TMCC1: variants seen among roughly 807,000 people sequenced by gnomAD.
The protein encoded by TMCC1 is transmembrane and coiled-coil domains protein 1.
TMCC1 carries 15 observed loss-of-function variants against 52.4 expected under a neutral mutation model. The ratio of observed to expected loss-of-function variants is 0.29; its 90% CI spans 0.19 to 0.44. TMCC1 has a LOEUF of 0.44. Ranked by LOEUF, TMCC1 falls within the 20% of genes least tolerant of loss-of-function variation. The probability of loss-of-function intolerance (pLI) is 1.00; values close to 1 mark genes in which losing one functional copy is unlikely to be tolerated. For synonymous variants in TMCC1, 279 were observed against 301.9 expected, an observed-to-expected ratio of 0.92 and a Z score of 0.79; for missense variants, 503 against 806.0, an observed-to-expected ratio of 0.62 and a Z score of 4.55.
chr3:129,767,602 A>C (rs1355487476), intron 4 of TMCC1, among the ~76,000 whole-genome samples: 1 of 152,168 alleles, frequency 6.6e-6, no homozygotes. Flanking sequence ...TTAATTTTAG[A>C]ATATTTACAT....
chr3:129,733,097 C>T (rs2050673744), intron 4 of TMCC1, among the ~76,000 whole-genome samples: 1 of 152,124 alleles, frequency 6.6e-6, no homozygotes, highest in Admixed American at 6.6e-5. Context: ...TTTTGGAGTC[C>T]TCAAATAGTT....
chr3:129,724,911 T>C (rs946112916), intron 4 of TMCC1, among the ~76,000 whole-genome samples: 4 of 152,182 alleles, frequency 2.6e-5, no homozygotes, highest in Non-Finnish European at 5.9e-5. Flanking sequence ...AGTTCTTCAA[T>C]AGTTCAGTGG....
intron 2 of TMCC1, among the ~76,000 whole-genome samples, chr3:129,869,705 G>C (rs2060825295): frequency 6.6e-6 from 1 of 152,224 alleles, no homozygotes. Context: ...TGATACAAAT[G>C]TATTTGTTGA....
At chr3:129,813,774 C>T (rs1002449907) in intron 4 of TMCC1, among the ~76,000 whole-genome samples, 3 of 151,574 alleles carry the variant, frequency 2.0e-5, no homozygotes, top group African/African-American at 7.3e-5. Context: ...ACAAACCTAC[C>T]CATGCACTCC....
chr3:129,726,428 G>A (rs1012960234), intron 4 of TMCC1, among the ~76,000 whole-genome samples: 5 of 151,966 alleles, frequency 3.3e-5, no homozygotes, highest in African/African-American at 1.2e-4. Flanking sequence ...TCTACAATAC[G>A]GTCTCGCTCT....
intron 2 of TMCC1, among the ~76,000 whole-genome samples, chr3:129,879,063 T>C (rs149216342): frequency 1.7e-3 from 258 of 152,284 alleles, no homozygotes; most frequent in African/African-American, 6.0e-3. Context: ...CCCCTTCCCC[T>C]CAATACATTC....
At position 129,828,677 on chromosome 3, in the gene TMCC1, T is replaced by C. The variant is rs2058764593; in HGVS notation, c.-130-169A>G. Among the ~76,000 whole-genome samples, 1 of 152,104 alleles carries C rather than the reference T, an allele frequency of 6.6e-6. No homozygotes were observed. The highest frequency in any genetic ancestry group is 2.4e-5 in the African/African-American group (1 of 41,404). On this transcript the variant is annotated intron_variant, in intron 3 of 6. Transcript: ENST00000393238. This position sits in a 1 kb window ranked among gnomAD's most constrained non-coding sequence, Gnocchi z 4.1. ...GATTAAAAGACAGTTTTCTAGATAG[T>C]GGGTAATGATTATTTTTTAGAATGA...
chr3:129,745,124 G>A (rs2051813306), intron 4 of TMCC1, among the ~76,000 whole-genome samples: 1 of 152,174 alleles, frequency 6.6e-6, no homozygotes, highest in South Asian at 2.1e-4. Context: ...AATTAAACTA[G>A]ATTTCAAGGT....
chr3:129,760,189 T>A (rs1391656248), intron 4 of TMCC1, among the ~76,000 whole-genome samples: 12 of 152,036 alleles, frequency 7.9e-5, no homozygotes. Flanking sequence ...AAGAGATAAA[T>A]CAAAACTGAC....
intron 4 of TMCC1, among the ~76,000 whole-genome samples, chr3:129,786,821 T>C (rs1344598874): frequency 6.6e-6 from 1 of 152,208 alleles, no homozygotes; most frequent in Non-Finnish European, 1.5e-5. Context: ...AATGTCTGTT[T>C]TCACAAAATT....
chr3:129,649,537 G>GA lies in TMCC1; in HGVS notation c.*1943_*1944insT, dbSNP rs1279617381. 1 of 152,522 alleles carries GA rather than the reference G, an allele frequency of 6.6e-6. No homozygotes were observed. The highest frequency in any genetic ancestry group is 2.4e-5 in the African/African-American group (1 of 41,420). 9.4% of individuals were successfully genotyped at this position (152,522 alleles called of 1,614,324 possible). ...ATCAGCTGAGGTTGGGGTGAAGACTGGAGTACCTGAGTTAAAATATCAAAG... is the reference window on the plus strand; with the variant it reads ...ATCAGCTGAGGTTGGGGTGAAGACTGAGAGTACCTGAGTTAAAATATCAAAG... On this transcript the variant is annotated 3_prime_UTR_variant, in exon 7 of 7. Transcript: ENST00000393238.
chr3:129,851,137 C>T (rs1344855135), intron 2 of TMCC1, among the ~76,000 whole-genome samples: 4 of 140,680 alleles, frequency 2.8e-5, no homozygotes. Context: ...TGCATTCATT[C>T]CCAGGATCAC....
At chr3:129,705,782 C>T (rs1364185041) in intron 4 of TMCC1, among the ~76,000 whole-genome samples, 8 of 151,896 alleles carry the variant, frequency 5.3e-5, no homozygotes, top group South Asian at 2.1e-4. Context: ...TTAGTAGAGA[C>T]GGGGTTTCAC....
intron 4 of TMCC1, among the ~76,000 whole-genome samples, chr3:129,742,843 A>G (rs1004021156): frequency 1.3e-5 from 2 of 152,232 alleles, no homozygotes; most frequent in African/African-American, 2.4e-5. Context: ...GCATTATGAC[A>G]TGGATAAACC....
chr3:129,818,627 A>G (rs1327688597), intron 4 of TMCC1, among the ~76,000 whole-genome samples: 1 of 140,586 alleles, frequency 7.1e-6, no homozygotes, highest in Non-Finnish European at 1.5e-5. Context: ...AAAAGTTTTA[A>G]AGAAACTTTT....
intron 2 of TMCC1, among the ~76,000 whole-genome samples, chr3:129,843,595 C>T (rs576047348): frequency 4.7e-4 from 71 of 151,992 alleles, no homozygotes; most frequent in African/African-American, 1.5e-3. Flanking sequence ...AAAGATATTA[C>T]GAACACCTCT....
rs765018586 is a variant in TMCC1, at chr3:129,794,920, GA to G, written c.576+32882del. On this transcript the variant is annotated intron_variant, in intron 4 of 6. Coordinates refer to ENST00000393238, the MANE Select transcript of TMCC1 (RefSeq NM_001017395.5). Reference sequence around the variant, plus strand: ...GTAATCCTTTAAGGTGAGGCAGTGTGAAAAAAAAGGAGGTGGTGAAAAGCAA... The same window carrying G: ...GTAATCCTTTAAGGTGAGGCAGTGTGAAAAAAAGGAGGTGGTGAAAAGCAA... Among the ~76,000 whole-genome samples, 16 of 151,940 alleles carry G rather than the reference GA, an allele frequency of 1.1e-4. No individual in the cohort carries two copies. The East Asian group carries it at 1.4e-3, about 13-fold the overall frequency.
intron 4 of TMCC1, among the ~76,000 whole-genome samples, chr3:129,691,541 G>T (rs2047027784): frequency 1.3e-5 from 2 of 151,282 alleles, no homozygotes; most frequent in Non-Finnish European, 2.9e-5. Context: ...AACATTTTGG[G>T]AGGCTGAGGT....
intron 4 of TMCC1, among the ~76,000 whole-genome samples, chr3:129,792,685 AG>A (rs1189408890): frequency 6.6e-5 from 10 of 152,238 alleles, no homozygotes; most frequent in African/African-American, 2.4e-4. Flanking sequence ...TTACTCTGAT[AG>A]AACAGTAAAT....
Sources: gnomAD v4.1 joint callset for allele counts (sites outside exome capture counted in the v4.1 genomes callset) on GRCh38, gnomAD v4.1.1 for gene constraint, Gnocchi (gnomAD v3.1) non-coding constraint, MANE v1.5 for transcripts, NCBI Gene and HGNC (gene_info 2026-07-23, HGNC 2026-07-21) for gene names.